Variants in CTNNA2 observed in about 807,000 individuals in gnomAD.
The protein encoded by CTNNA2 is catenin alpha 2.
A neutral mutation model predicts 101.0 loss-of-function variants in CTNNA2; 42 were observed. That is an observed-to-expected ratio of 0.42 (90% CI 0.32 to 0.54). CTNNA2 has a LOEUF of 0.54. CTNNA2 is among the 20% of genes least tolerant of loss of function. The pLI, the probability that CTNNA2 is intolerant of heterozygous loss-of-function variation, is 0.14. For missense variants in CTNNA2, 871 were observed against 1,223.1 expected (o/e 0.71, Z 4.29); for synonymous variants, 450 against 456.4 (o/e 0.99, Z 0.18).
intron 7 of CTNNA2, among the ~76,000 whole-genome samples, chr2:79,946,855 T>C (rs1688529171): frequency 1.3e-5 from 2 of 152,164 alleles, no homozygotes; most frequent in Admixed American, 1.3e-4. Flanking sequence ...CTTCTGTTGT[T>C]CTGCAAAAGC....
chr2:79,763,070 C>G lies in CTNNA2; in HGVS notation c.298+18488C>G, dbSNP rs142656055. On this transcript the variant is annotated intron_variant, in intron 3 of 18. Coordinates refer to ENST00000402739, the MANE Select transcript of CTNNA2 (RefSeq NM_001282597.3). ...TTTATATCTTTCAGATACTTAGAAA[C>G]TATTCTTTTATTTGACAGTTTCGTG... Among the ~76,000 whole-genome samples the G allele has an allele frequency of 9.7e-4, 148 of 152,224 alleles. 1 individual carries two copies. The East Asian group carries it at 0.025, about 25-fold the overall frequency.
chr2:80,518,393 T>C (rs1689266217), intron 9 of CTNNA2, among the ~76,000 whole-genome samples: 1 of 152,218 alleles, frequency 6.6e-6, no homozygotes, highest in Non-Finnish European at 1.5e-5. Flanking sequence ...CGTCTCCAAC[T>C]GTCCAAGAAC....
intron 2 of CTNNA2, among the ~76,000 whole-genome samples, chr2:79,670,403 C>T (rs1040546033): frequency 2.6e-5 from 4 of 152,188 alleles, no homozygotes; most frequent in African/African-American, 9.7e-5. Context: ...AGACCTGGGT[C>T]TGCAGTTGCG....
chr2:79,530,795 G>C (rs1672690538), intron 1 of CTNNA2, among the ~76,000 whole-genome samples: 1 of 152,084 alleles, frequency 6.6e-6, no homozygotes, highest in Admixed American at 6.6e-5. Flanking sequence ...GATGCTGAAA[G>C]GGAAGTGAGA....
At chr2:80,501,649 C>A (rs1441137448) in intron 9 of CTNNA2, among the ~76,000 whole-genome samples, 1 of 152,132 alleles carries the variant, frequency 6.6e-6, no homozygotes, top group Admixed American at 6.5e-5. Context: ...GATTTGGGTG[C>A]AAAGGATTTA....
intron 12 of CTNNA2, among the ~76,000 whole-genome samples, chr2:80,572,267 A>G (rs1694664805): frequency 6.6e-6 from 1 of 152,152 alleles, no homozygotes; most frequent in African/African-American, 2.4e-5. Context: ...CTTACTGTGT[A>G]TTTATCAGCA....
At chr2:79,965,921 C>G (rs1313829657) in intron 7 of CTNNA2, among the ~76,000 whole-genome samples, 1 of 149,168 alleles carries the variant, frequency 6.7e-6, no homozygotes, top group Non-Finnish European at 1.5e-5. Context: ...TTTTAATAAT[C>G]AAGATATTGG....
At chr2:79,724,544 G>A (rs888510710) in intron 2 of CTNNA2, among the ~76,000 whole-genome samples, 1 of 152,006 alleles carries the variant, frequency 6.6e-6, no homozygotes, top group African/African-American at 2.4e-5. Context: ...GGGCTGGCGC[G>A]GTGGCTCACG....
intron 2 of CTNNA2, among the ~76,000 whole-genome samples, chr2:79,269,004 G>A (rs574501263): frequency 3.3e-5 from 5 of 152,140 alleles, no homozygotes; most frequent in East Asian, 1.9e-4. Context: ...TCTTGTGTGC[G>A]GAATGGGAGC....
At chr2:80,277,553 G>GAAAAAAAAAAAAA (rs10650278) in intron 7 of CTNNA2, among the ~76,000 whole-genome samples, 4 of 83,812 alleles carry the variant, frequency 4.8e-5, no homozygotes, top group African/African-American at 1.4e-4. Flanking sequence ...AAGGATTTCT[G>GAAAAAAAAAAAAA]AAAAAAAAAA....
At chr2:80,084,302 G>C (rs965178850) in intron 7 of CTNNA2, among the ~76,000 whole-genome samples, 1 of 152,158 alleles carries the variant, frequency 6.6e-6, no homozygotes, top group African/African-American at 2.4e-5. Flanking sequence ...AACTGTTTCT[G>C]TGACATTTCT....
At chr2:79,902,273 T>C (rs1451346066) in intron 6 of CTNNA2, among the ~76,000 whole-genome samples, 1 of 152,154 alleles carries the variant, frequency 6.6e-6, no homozygotes, top group East Asian at 1.9e-4. Flanking sequence ...ACGCCAGAGC[T>C]AGAGGGCACG....
At chr2:79,747,293 A>T (rs887750463) in intron 3 of CTNNA2, among the ~76,000 whole-genome samples, 2 of 152,048 alleles carry the variant, frequency 1.3e-5, no homozygotes, top group African/African-American at 4.8e-5. Flanking sequence ...TTGCAGATGG[A>T]CGCTTGTTTG....
chr2:80,405,754 G>C (rs1317957876), intron 8 of CTNNA2, among the ~76,000 whole-genome samples: 1 of 152,160 alleles, frequency 6.6e-6, no homozygotes. Context: ...TGGTTGAATG[G>C]ATTGTGCCTG....
intron 7 of CTNNA2, among the ~76,000 whole-genome samples, chr2:80,035,323 A>G (rs1695576836): frequency 4.6e-5 from 7 of 152,234 alleles, no homozygotes; most frequent in Admixed American, 3.9e-4. Flanking sequence ...CTTCAATGGT[A>G]TCACCTAGAA....
intron 1 of CTNNA2, among the ~76,000 whole-genome samples, chr2:79,187,027 C>T (rs1673786080): frequency 6.6e-6 from 1 of 152,100 alleles, no homozygotes; most frequent in Admixed American, 6.5e-5. Context: ...TAAAACATCC[C>T]TACCTGTAAG....
At chr2:80,075,776 TAA>T in intron 7 of CTNNA2, among the ~76,000 whole-genome samples, 1 of 134,312 alleles carries the variant, frequency 7.4e-6, no homozygotes, top group East Asian at 2.1e-4. Flanking sequence ...ATAAATATTA[TAA>T]AATAATATTT....
At chr2:80,590,636 G>A (rs150401167) in intron 15 of CTNNA2, among the ~76,000 whole-genome samples, 424 of 152,150 alleles carry the variant, frequency 2.8e-3, no homozygotes, top group Middle Eastern at 0.021. Flanking sequence ...ACATCTCTGC[G>A]TCACCCCCTT....
At chr2:79,491,599 ACT>A (rs1373446174) in intron 4 of CTNNA2, among the ~76,000 whole-genome samples, 2 of 152,130 alleles carry the variant, frequency 1.3e-5, no homozygotes, top group Non-Finnish European at 2.9e-5. Flanking sequence ...CAGAAGAGTA[ACT>A]CTGAACTGTG....
Sources: gnomAD v4.1 joint callset for allele counts (sites outside exome capture counted in the v4.1 genomes callset) on GRCh38, gnomAD v4.1.1 for gene constraint, MANE v1.5 for transcripts, NCBI Gene and HGNC (gene_info 2026-07-23, HGNC 2026-07-21) for gene names.